CEP290: variants seen among roughly 807,000 people sequenced by gnomAD.
The protein encoded by CEP290 is centrosomal protein 290, also known as centrosomal protein of 290 kDa.
In CEP290, 317 loss-of-function variants were observed where a neutral mutation model predicts 344.9. The ratio of observed to expected loss-of-function variants is 0.92; its 90% CI spans 0.84 to 1.01. The LOEUF is 1.01. Among genes scored for constraint, CEP290 ranks in the 50% least tolerant of loss-of-function variants. The pLI is 0.00. For synonymous variants in CEP290, 932 were observed against 895.8 expected, an observed-to-expected ratio of 1.04 and a Z score of -0.72; for missense variants, 2,754 against 2,761.4, an observed-to-expected ratio of 1.00 and a Z score of 0.06.
rs1311663854 is a variant in CEP290 at position 88,112,102 on chromosome 12, G to C, written c.2053-244C>G. 2.0e-5 allele frequency among the ~76,000 whole-genome samples: 3 copies of C among 152,178 alleles called. No homozygotes were observed. In the South Asian group the frequency reaches 6.2e-4, roughly 32 times the overall value. ...AACACCTAGCTAATCTTAATAGACT[G>C]GTAGACTAGAAAAACAACCAGACGG... On this transcript the variant is annotated intron_variant, in intron 20 of 53. Transcript: ENST00000552810.
intron 44 of CEP290, 68 bp from the exon 45 acceptor site, chr12:88,064,183 A>G: frequency 7.6e-7 from 1 of 1,321,432 alleles, no homozygotes; most frequent in South Asian, 1.5e-5. Context: ...GACATACTGG[A>G]TAAGAAAATA....
At chr12:88,106,285 T>C (rs2038273279) in intron 25 of CEP290, among the ~76,000 whole-genome samples, 1 of 152,156 alleles carries the variant, frequency 6.6e-6, no homozygotes, top group South Asian at 2.1e-4. Flanking sequence ...AAACATTTTT[T>C]GGAGAAAAAG....
chr12:88,107,233 A>C, intron 23 of CEP290, 135 bp from the exon 24 acceptor site: 1 of 502,504 alleles, frequency 2.0e-6, no homozygotes, highest in Non-Finnish European at 3.3e-6. Context: ...ATCTGAAAAC[A>C]CAAGAAGTTA....
rs567185914 is a variant in CEP290, at chr12:88,092,812, A to C, written c.3330T>G (p.Asp1110Glu). Residue 1110 changes from aspartate (D) to glutamate (E), a missense_variant, in exon 29 of 54, where the codon GAT becomes GAG. By Grantham distance (45) the Asp-to-Glu change is conservative (BLOSUM62 2). Coordinates refer to ENST00000552810, the MANE Select transcript of CEP290 (RefSeq NM_025114.4). ...KFAELTKINL[D>E]AQKVEQMLRD... Reference sequence around the variant, plus strand: ...TTAACATCTGTTCCACCTTCTGTGCATCCAAATTGATTTTGGTAAGCTAAG... The same window carrying C: ...TTAACATCTGTTCCACCTTCTGTGCCTCCAAATTGATTTTGGTAAGCTAAG... 1.9e-6 allele frequency: 3 copies of C among 1,609,350 alleles called. No individual in the cohort carries two copies. The highest frequency in any genetic ancestry group is 2.2e-5 in the South Asian group (2 of 89,790).
In CEP290 at chr12:88,139,501, T is replaced by C; in HGVS notation, c.244A>G (p.Lys82Glu). Residue 82 changes from lysine to glutamate, a missense_variant, in exon 4 of 54, where the codon AAA (lysine) becomes GAA (glutamate). Transcript: ENST00000552810. ...CTTTTTCCAAGGTGCTTACCAAATT[T>C]TGCTTGTTCTTCTCCAGCTTTTTCT... ...EVEKAGEEQA[K>E]FENQLKTKVM... 6.3e-7 allele frequency: 1 copy of C among 1,598,922 alleles called. No homozygotes were observed. The highest frequency in any genetic ancestry group is 8.5e-7 in the Non-Finnish European group (1 of 1,173,406).
Position 88,107,109 on chromosome 12 carries a change from A to AACAAT in CEP290, c.2484-12_2484-11insATTGT. ...CAGGTCTCCTTTTCACTAAAAACAA[A>AACAAT]ACAAAACAAAAAGACAATACTGTAA... On this transcript the variant is annotated splice_polypyrimidine_tract_variant and intron_variant, in intron 23 of 53. Transcript: ENST00000552810. The AACAAT allele has an allele frequency of 6.9e-7, 1 of 1,442,094 alleles. No homozygotes were observed. Among genetic ancestry groups the AACAAT allele is most frequent in the Non-Finnish European group, 9.3e-7 (1 of 1,069,742 alleles). The allele number at this position is 1,442,094 out of a possible 1,614,324, so 89.3% of individuals were successfully genotyped here.
intron 26 of CEP290, among the ~76,000 whole-genome samples, chr12:88,102,620 C>A (rs1402380359): frequency 7.1e-6 from 1 of 141,602 alleles, no homozygotes; most frequent in South Asian, 2.4e-4. Flanking sequence ...AGTCATTCAG[C>A]CACTATAAAT....
intron 52 of CEP290, among the ~76,000 whole-genome samples, chr12:88,052,640 T>TAC (rs1178118861): frequency 6.6e-6 from 1 of 151,420 alleles, no homozygotes; most frequent in East Asian, 1.9e-4. Context: ...TATATATACA[T>TAC]ACACGCATAT....
intron 5 of CEP290, among the ~76,000 whole-genome samples, chr12:88,137,428 C>G (rs2040408022): frequency 6.6e-6 from 1 of 152,136 alleles, no homozygotes; most frequent in Non-Finnish European, 1.5e-5. Flanking sequence ...AGATTTGTAG[C>G]CGATTAAATC....
At chr12:88,115,711 G>T in intron 18 of CEP290, 1 of 1,024,812 alleles carries the variant, frequency 9.8e-7, no homozygotes, top group Non-Finnish European at 1.2e-6. Flanking sequence ...ACAGAACTTT[G>T]TTAGAGACGT....
At chr12:88,091,419 A>G (rs1019632581) in intron 29 of CEP290, among the ~76,000 whole-genome samples, 1 of 147,690 alleles carries the variant, frequency 6.8e-6, no homozygotes, top group Non-Finnish European at 1.5e-5. Flanking sequence ...AAAAAAAAAG[A>G]GATAGCCTAA....
intron 26 of CEP290, 114 bp downstream of exon 26, chr12:88,102,724 A>T: frequency 1.3e-6 from 1 of 764,720 alleles, no homozygotes; most frequent in Non-Finnish European, 2.0e-6. Context: ...TATCTCTGTT[A>T]AATTTATATA....
At chr12:88,085,765 T>C (rs2036530102) in intron 34 of CEP290, among the ~76,000 whole-genome samples, 1 of 152,124 alleles carries the variant, frequency 6.6e-6, no homozygotes, top group Non-Finnish European at 1.5e-5. Flanking sequence ...TATAAGAGAA[T>C]ATATTGCTCA....
In CEP290 at chr12:88,102,197, G is replaced by A. The variant is rs535660514; in HGVS notation, c.2991+641C>T. Among the ~76,000 whole-genome samples the A allele has an allele frequency of 2.0e-5, 3 of 152,242 alleles. No individual in the cohort carries two copies. In the South Asian group the frequency reaches 6.2e-4, roughly 32 times the overall value. ...CAAGTGGCTGTAAGATAACTACAAA[G>A]GGTCTGGTCCATATTCACAGATTGT... On this transcript the variant is annotated intron_variant, in intron 26 of 53. Coordinates refer to ENST00000552810, the MANE Select transcript of CEP290 (RefSeq NM_025114.4).
intron 19 of CEP290, 145 bp from the exon 20 acceptor site, chr12:88,114,707 TA>T: frequency 1.4e-6 from 1 of 721,896 alleles, no homozygotes; most frequent in Non-Finnish European, 2.1e-6. Context: ...AATTCAACTA[TA>T]AATCCAACGT....
chr12:88,095,058 G>A (rs958517657), intron 27 of CEP290, among the ~76,000 whole-genome samples: 4 of 152,066 alleles, frequency 2.6e-5, no homozygotes, highest in East Asian at 1.9e-4. Flanking sequence ...ACTAACAGGT[G>A]CTAAAAGCAT....
Position 88,055,751 on chromosome 12 carries a change from C to A in CEP290, c.6819-34G>T, listed in dbSNP as rs750838874. ...ATAAGGAAAAAAAGTATAGACATGG[C>A]AAATAATTTATGTCACTGATTTAAA... On this transcript the variant is annotated intron_variant, in intron 49 of 53. Transcript: ENST00000552810. 3 of 1,359,174 alleles carry A rather than the reference C, an allele frequency of 2.2e-6. No individual in the cohort carries two copies. Among genetic ancestry groups the A allele is most frequent in the Middle Eastern group, 2.0e-4 (1 of 4,896 alleles). The allele number at this position is 1,359,174 out of a possible 1,614,324, so 84.2% of individuals were successfully genotyped here.
In CEP290 at chr12:88,114,411, ATAACT is replaced by A; in HGVS notation, c.2052+4_2052+8del. The A allele has an allele frequency of 6.5e-7, 1 of 1,537,036 alleles. No individual in the cohort carries two copies. The highest frequency in any genetic ancestry group is 8.8e-7 in the Non-Finnish European group (1 of 1,141,456). ...GGGGAAAAACATTAACATGAAAAAA[ATAACT>A]TACATTAACTAGTCTTTCAAGGCTA... On this transcript the variant is annotated splice_donor_5th_base_variant and intron_variant, in intron 20 of 53. Coordinates refer to ENST00000552810, the MANE Select transcript of CEP290 (RefSeq NM_025114.4).
intron 35 of CEP290, 77 bp downstream of exon 35, chr12:88,084,509 T>C: frequency 7.8e-7 from 1 of 1,287,742 alleles, no homozygotes; most frequent in African/African-American, 1.5e-5. Context: ...GAAATACCAC[T>C]TTAGGGTAAA....
Sources: gnomAD v4.1 joint callset for allele counts (sites outside exome capture counted in the v4.1 genomes callset) on GRCh38, gnomAD v4.1.1 for gene constraint, MANE v1.5 for transcripts, NCBI Gene and HGNC (gene_info 2026-07-23, HGNC 2026-07-21) for gene names.